SLC35F3: variants seen among roughly 807,000 people sequenced by gnomAD.
The protein encoded by SLC35F3 is putative thiamine transporter SLC35F3.
Under a neutral mutation model 49.9 loss-of-function variants are expected in SLC35F3, and 25 were observed. The ratio of observed to expected loss-of-function variants is 0.50; its 90% confidence interval spans 0.37 to 0.70. The LOEUF (loss-of-function observed/expected upper bound fraction) is 0.70. SLC35F3 is among the 30% of genes least tolerant of loss of function. SLC35F3 has a pLI of 0.00. For synonymous variants in SLC35F3, 275 were observed against 265.4 expected (o/e 1.04, Z -0.35); for missense variants, 525 against 639.8 (o/e 0.82, Z 1.94).
intron 2 of SLC35F3, among the ~76,000 whole-genome samples, chr1:233,971,871 C>T (rs570869062): frequency 8.5e-5 from 13 of 152,336 alleles, no homozygotes; most frequent in African/African-American, 3.1e-4. Flanking sequence ...TGACCATCCA[C>T]TTACACCCTG....
intron 2 of SLC35F3, among the ~76,000 whole-genome samples, chr1:234,057,881 T>G (rs9435549): frequency 0.21 from 32,231 of 151,854 alleles, 6,623 homozygotes; most frequent in African/African-American, 0.53. Context: ...AATTTTTGTG[T>G]TTTTTAGTAG....
intron 2 of SLC35F3, among the ~76,000 whole-genome samples, chr1:234,222,308 T>C (rs961709256): frequency 5.3e-5 from 8 of 152,308 alleles, no homozygotes; most frequent in Middle Eastern, 3.4e-3. Flanking sequence ...TGTCTATCCT[T>C]GGGTAGGAGA....
Position 234,320,247 on chromosome 1 carries a change from C to A in SLC35F3, c.1237+60C>A. 1 of 1,110,200 alleles carries A rather than the reference C, an allele frequency of 9.0e-7. No homozygotes were observed. The highest frequency in any genetic ancestry group is 1.4e-6 in the Non-Finnish European group (1 of 724,646). The allele number at this position is 1,110,200 out of a possible 1,614,324, so 68.8% of individuals were successfully genotyped here. On this transcript the variant is annotated intron_variant, in intron 7 of 7. Transcript: ENST00000366618. The surrounding 1 kb of genome is among the most constrained non-coding windows in gnomAD (Gnocchi z 4.8). ...GCACACACACTCAGTCACCTACTCACACACACATACACACACTCATGCATA... is the reference window on the plus strand; with the variant it reads ...GCACACACACTCAGTCACCTACTCAAACACACATACACACACTCATGCATA...
In SLC35F3 at chr1:234,069,206, ATATAT is replaced by A. The variant is rs1202018016; in HGVS notation, c.284-162200_284-162196del. On this transcript the variant is annotated intron_variant, in intron 2 of 7. Transcript: ENST00000366618. ...AAATTTTATATATAAATACATATTT[ATATAT>A]TATATTATATATAATTTTATATAAA... Among the ~76,000 whole-genome samples, 67 of 141,182 alleles carry A rather than the reference ATATAT, an allele frequency of 4.7e-4. 1 individual carries two copies. The highest frequency in any genetic ancestry group is 3.4e-3 in the South Asian group (16 of 4,740). 92.6% of individuals were successfully genotyped at this position (141,182 alleles called of 152,430 possible).
chr1:234,271,642 C>G (rs11587866), intron 3 of SLC35F3, among the ~76,000 whole-genome samples: 5,628 of 152,130 alleles, frequency 0.037, 164 homozygotes, highest in Non-Finnish European at 0.058. Context: ...ATACATTTGC[C>G]GAAAGCAAGA....
At chr1:234,014,449 A>G (rs780089786) in intron 2 of SLC35F3, among the ~76,000 whole-genome samples, 12 of 152,332 alleles carry the variant, frequency 7.9e-5, no homozygotes, top group Admixed American at 2.0e-4. Context: ...CTTCTGTTCA[A>G]CATTTTAGTG....
intron 2 of SLC35F3, among the ~76,000 whole-genome samples, chr1:233,963,029 C>A (rs1662830729): frequency 6.6e-6 from 1 of 152,172 alleles, no homozygotes; most frequent in South Asian, 2.1e-4. Context: ...TGTCCCAGAC[C>A]CTCAGCTGCA....
chr1:234,157,379 G>A (rs1342395082), intron 2 of SLC35F3, among the ~76,000 whole-genome samples: 1 of 152,048 alleles, frequency 6.6e-6, no homozygotes, highest in Non-Finnish European at 1.5e-5. Context: ...GCTCAGAACC[G>A]TCCGTGGACT....
rs114037960 is a variant in SLC35F3 at position 233,987,682 on chromosome 1, G to A, written c.283+81924G>A. On this transcript the variant is annotated intron_variant, in intron 2 of 7. Transcript: ENST00000366618. ...AAAGTTCACGTTTTCTCAGATTTGG[G>A]AATAATATTTATTTGCTCATTCATT... is the stretch of plus-strand genomic sequence containing the variant. Among the ~76,000 whole-genome samples, 1,134 of 152,130 alleles carry A rather than the reference G, an allele frequency of 7.5e-3. 6 individuals are homozygous for A. The highest frequency in any genetic ancestry group is 0.012 in the South Asian group (60 of 4,816).
intron 2 of SLC35F3, among the ~76,000 whole-genome samples, chr1:234,230,087 T>C (rs1041822068): frequency 5.9e-5 from 9 of 152,294 alleles, no homozygotes; most frequent in Admixed American, 1.3e-4. Flanking sequence ...GGGAGGTTAT[T>C]AATAAAGCAA....
chr1:234,126,477 A>ATGTG (rs111609229), intron 2 of SLC35F3, among the ~76,000 whole-genome samples: 19 of 151,118 alleles, frequency 1.3e-4, no homozygotes, highest in Non-Finnish European at 2.1e-4. Context: ...CCTGTTTTAC[A>ATGTG]TGTGTGTGTG....
chr1:234,251,117 G>C (rs1667731739), intron 3 of SLC35F3, among the ~76,000 whole-genome samples: 1 of 152,084 alleles, frequency 6.6e-6, no homozygotes, highest in African/African-American at 2.4e-5. Context: ...GGAGTATTTC[G>C]ACATCTTGAC....
At chr1:234,039,613 T>G (rs1664191828) in intron 2 of SLC35F3, among the ~76,000 whole-genome samples, 1 of 152,196 alleles carries the variant, frequency 6.6e-6, no homozygotes, top group Non-Finnish European at 1.5e-5. Flanking sequence ...GAGCTGTGTT[T>G]CATCCTTGCT....
chr1:234,205,695 T>C (rs1666959709), intron 2 of SLC35F3, among the ~76,000 whole-genome samples: 1 of 152,158 alleles, frequency 6.6e-6, no homozygotes, highest in Admixed American at 6.5e-5. Context: ...TTCTTTGAGA[T>C]AGATGGAGAG....
chr1:234,226,838 C>T (rs1313204652), intron 2 of SLC35F3, among the ~76,000 whole-genome samples: 1 of 152,172 alleles, frequency 6.6e-6, no homozygotes, highest in Non-Finnish European at 1.5e-5. Context: ...TGACAGCCCT[C>T]AGGACACTAA....
At chr1:234,136,351 T>G (rs10910361) in intron 2 of SLC35F3, among the ~76,000 whole-genome samples, 10,240 of 151,588 alleles carry the variant, frequency 0.068, 552 homozygotes, top group African/African-American at 0.14. Flanking sequence ...TTTTCTTTTC[T>G]TTATCCTTCC....
chr1:234,160,418 A>G (rs914372055), intron 2 of SLC35F3, among the ~76,000 whole-genome samples: 6 of 152,130 alleles, frequency 3.9e-5, no homozygotes, highest in Non-Finnish European at 7.4e-5. Context: ...TGGCTCTGGA[A>G]CTCAAGGCCT....
In SLC35F3 at chr1:234,231,841, G is replaced by A. The variant is rs556935244; in HGVS notation, c.608+100G>A. On this transcript the variant is annotated intron_variant, in intron 3 of 7. Coordinates refer to ENST00000366618, the MANE Select transcript of SLC35F3 (RefSeq NM_173508.4). The surrounding 1 kb of genome is among the most constrained non-coding windows in gnomAD (Gnocchi z 5.4). ...CTGGTGGCAGGCGCTGGGATGAGCC[G>A]GTGGGAGCCCGTGGAGAGATGTTGC... 1.2e-4 allele frequency: 139 copies of A among 1,169,382 alleles called. No homozygotes were observed. The highest frequency in any genetic ancestry group is 1.7e-4 in the Non-Finnish European group (135 of 816,358). 72.4% of individuals were successfully genotyped at this position (1,169,382 alleles called of 1,614,324 possible).
intron 2 of SLC35F3, among the ~76,000 whole-genome samples, chr1:234,129,673 T>C (rs954457612): frequency 6.6e-6 from 1 of 152,302 alleles, no homozygotes; most frequent in East Asian, 1.9e-4. Context: ...CCAAAAATTA[T>C]AAATTTACGC....
Sources: gnomAD v4.1 joint callset for allele counts (sites outside exome capture counted in the v4.1 genomes callset) on GRCh38, gnomAD v4.1.1 for gene constraint, Gnocchi (gnomAD v3.1) non-coding constraint, MANE v1.5 for transcripts, NCBI Gene and HGNC (gene_info 2026-07-23, HGNC 2026-07-21) for gene names.